TSPAN7: variants seen among roughly 807,000 people sequenced by gnomAD.
TSPAN7 encodes tetraspanin-7.
In TSPAN7, 1 loss-of-function variant was observed where a neutral mutation model predicts 17.6. The observed-to-expected ratio is 0.06, with a 90% CI of 0.02 to 0.27. The LOEUF (loss-of-function observed/expected upper bound fraction) is 0.27, where lower values mean the gene tolerates loss of function less well. Among genes scored for constraint, TSPAN7 ranks in the 10% least tolerant of loss-of-function variants. The probability of loss-of-function intolerance (pLI) is 1.00; values close to 1 mark genes in which losing one functional copy is unlikely to be tolerated. For synonymous variants in TSPAN7, 78 were observed against 79.0 expected (o/e 0.99, Z 0.07); for missense variants, 112 against 201.7 (o/e 0.56, Z 2.69).
At chrX:38,586,040 G>C (rs1354062617) in intron 1 of TSPAN7, among the ~76,000 whole-genome samples, 1 of 112,698 alleles carries the variant, frequency 8.9e-6, no homozygotes, top group African/African-American at 3.2e-5. Flanking sequence ...ATGAATACAG[G>C]ATCACTCATA....
chrX:38,653,937 G>C (rs975824724), intron 1 of TSPAN7, among the ~76,000 whole-genome samples: 2 of 111,767 alleles, frequency 1.8e-5, no homozygotes, highest in Non-Finnish European at 3.8e-5. Flanking sequence ...TGAATTATTG[G>C]CCATGCCTAT....
intron 1 of TSPAN7, among the ~76,000 whole-genome samples, chrX:38,620,450 CT>C (rs1392823963): frequency 1.8e-5 from 2 of 111,379 alleles, no homozygotes; most frequent in Non-Finnish European, 3.8e-5. Context: ...TTAGAAATTG[CT>C]TGCCTTTTCT....
intron 1 of TSPAN7, among the ~76,000 whole-genome samples, chrX:38,604,861 C>A (rs1367559481): frequency 6.3e-5 from 7 of 110,930 alleles, no homozygotes; most frequent in African/African-American, 2.3e-4. Flanking sequence ...ATTCAACAAC[C>A]CTTCATGCTA....
chrX:38,644,456 G>T (rs377340596), intron 1 of TSPAN7, among the ~76,000 whole-genome samples: 24 of 111,851 alleles, frequency 2.1e-4, no homozygotes, highest in South Asian at 7.5e-4. Flanking sequence ...AATGAATTTT[G>T]ATTTTCAGAA....
At chrX:38,643,082 A>G (rs1198915382) in intron 1 of TSPAN7, among the ~76,000 whole-genome samples, 1 of 110,688 alleles carries the variant, frequency 9.0e-6, no homozygotes, top group Non-Finnish European at 1.9e-5. Context: ...GATGATGAGG[A>G]AAGACACAAA....
At chrX:38,655,976 G>C (rs1291916574) in intron 1 of TSPAN7, 2 of 323,582 alleles carry the variant, frequency 6.2e-6, no homozygotes, top group Admixed American at 6.3e-5. Context: ...TGGAAAAATT[G>C]TTACGATTCG....
At chrX:38,596,128 T>C (rs1315478555) in intron 1 of TSPAN7, among the ~76,000 whole-genome samples, 1 of 111,275 alleles carries the variant, frequency 9.0e-6, no homozygotes, top group Non-Finnish European at 1.9e-5. Context: ...ATAGAGGCAA[T>C]GAGAAGCAAA....
At chrX:38,682,595 C>G (rs1473980484) in intron 6 of TSPAN7, among the ~76,000 whole-genome samples, 4 of 112,296 alleles carry the variant, frequency 3.6e-5, no homozygotes, top group Non-Finnish European at 7.5e-5. Flanking sequence ...TCAGCCAACA[C>G]AAATATGTTT....
intron 1 of TSPAN7, among the ~76,000 whole-genome samples, chrX:38,600,436 C>G (rs1327792628): frequency 9.0e-6 from 1 of 111,409 alleles, no homozygotes; most frequent in Non-Finnish European, 1.9e-5. Context: ...TTGTGAAAAG[C>G]ATCTCACTTC....
intron 1 of TSPAN7, among the ~76,000 whole-genome samples, chrX:38,572,608 G>A (rs187076644): frequency 9.0e-6 from 1 of 111,507 alleles, no homozygotes; most frequent in Non-Finnish European, 1.9e-5. Context: ...TCATGATGAT[G>A]TGTAGAACTC....
At chrX:38,677,189 G>T (rs991060944) in intron 5 of TSPAN7, among the ~76,000 whole-genome samples, 5 of 112,078 alleles carry the variant, frequency 4.5e-5, no homozygotes, top group Non-Finnish European at 9.4e-5. Flanking sequence ...TGTTGGTTAT[G>T]TGATCTCGGT....
intron 6 of TSPAN7, among the ~76,000 whole-genome samples, chrX:38,686,047 T>TA (rs2069925192): frequency 1.8e-5 from 2 of 112,477 alleles, no homozygotes; most frequent in Non-Finnish European, 3.8e-5. Flanking sequence ...TCAAGGTCGT[T>TA]ACACTCATAT....
chrX:38,670,804 G>T (rs1465409073), intron 2 of TSPAN7, among the ~76,000 whole-genome samples: 2 of 112,500 alleles, frequency 1.8e-5, no homozygotes, highest in Admixed American at 9.4e-5. Context: ...AAAGACATTG[G>T]GCTGGTTCTT....
intron 2 of TSPAN7, among the ~76,000 whole-genome samples, chrX:38,670,096 G>A (rs1273686683): frequency 9.0e-6 from 1 of 110,629 alleles, no homozygotes; most frequent in Admixed American, 9.6e-5. Flanking sequence ...TTCCTTTTTC[G>A]ATATATGTGC....
At chrX:38,595,202 G>A (rs1460019073) in intron 1 of TSPAN7, among the ~76,000 whole-genome samples, 15 of 111,232 alleles carry the variant, frequency 1.3e-4, no homozygotes, top group Admixed American at 1.3e-3. Flanking sequence ...TTTCTGATGT[G>A]TATCAGAAAA....
intron 6 of TSPAN7, among the ~76,000 whole-genome samples, chrX:38,687,091 C>T (rs907705796): frequency 8.9e-6 from 1 of 111,943 alleles, no homozygotes; most frequent in Admixed American, 9.5e-5. Flanking sequence ...TCTATTCTTG[C>T]CTCAAGGAAA....
At chrX:38,605,358 G>A (rs2069373499) in intron 1 of TSPAN7, among the ~76,000 whole-genome samples, 1 of 110,601 alleles carries the variant, frequency 9.0e-6, no homozygotes, top group South Asian at 3.9e-4. Flanking sequence ...TACAAGGGAT[G>A]TGAAGGACCT....
intron 1 of TSPAN7, among the ~76,000 whole-genome samples, chrX:38,624,492 G>A (rs1231304033): frequency 1.8e-5 from 2 of 112,281 alleles, no homozygotes; most frequent in Non-Finnish European, 3.8e-5. Flanking sequence ...ACTAATGAAT[G>A]TTGACTTCTC....
chrX:38,615,920 T>C (rs1434780883), intron 1 of TSPAN7, among the ~76,000 whole-genome samples: 5 of 111,861 alleles, frequency 4.5e-5, no homozygotes, highest in Admixed American at 9.4e-5. Context: ...CAAGGGAGAA[T>C]GACTGGAAAG....
Sources: allele counts gnomAD v4.1 joint callset (sites outside exome capture counted in the v4.1 genomes callset), GRCh38; gene constraint gnomAD v4.1.1; transcripts MANE v1.5; gene names NCBI Gene and HGNC (gene_info 2026-07-23, HGNC 2026-07-21).